The following CXXC5 variants were observed in gnomAD, a reference collection of about 807,000 sequenced individuals.
CXXC5 encodes CXXC finger protein 5.
CXXC5 carries 2 observed loss-of-function variants against 17.6 expected under a neutral mutation model. That is an observed-to-expected ratio of 0.11 (90% CI 0.05 to 0.36). The LOEUF is 0.36. Among genes scored for constraint, CXXC5 ranks in the 10% least tolerant of loss-of-function variants. CXXC5 has a pLI of 1.00. For synonymous variants in CXXC5, 171 were observed against 193.0 expected (o/e 0.89, Z 0.94); for missense variants, 343 against 458.3 (o/e 0.75, Z 2.30).
rs1051947939 is a variant in CXXC5, at chr5:139,648,689, G to T, written c.-317G>T. 3 of 151,472 alleles carry T rather than the reference G, an allele frequency of 2.0e-5. No homozygotes were observed. Among genetic ancestry groups the T allele is most frequent in the Admixed American group, 2.0e-4 (3 of 15,236 alleles). 9.4% of individuals were successfully genotyped at this position (151,472 alleles called of 1,614,324 possible). A position where few individuals can be genotyped will look rare whatever the true frequency, so the allele number is the denominator to read the frequency against. On this transcript the variant is annotated 5_prime_UTR_variant, in exon 1 of 3. Transcript: ENST00000302517. ...CTCCCCGCCTCGGGCCAGCCGCGGCGGCGCGACTCGGGCTCCGGACCCGGG... is the reference window on the plus strand; with the variant it reads ...CTCCCCGCCTCGGGCCAGCCGCGGCTGCGCGACTCGGGCTCCGGACCCGGG...
At chr5:139,682,405 C>T (rs1358688083) in intron 2 of CXXC5, among the ~76,000 whole-genome samples, 1 of 149,016 alleles carries the variant, frequency 6.7e-6, no homozygotes, top group Non-Finnish European at 1.5e-5. Context: ...CACTTTAGTC[C>T]AGTGTAGACA....
chr5:139,654,412 T>C (rs979592078), intron 1 of CXXC5, among the ~76,000 whole-genome samples: 1 of 152,268 alleles, frequency 6.6e-6, no homozygotes, highest in African/African-American at 2.4e-5. Context: ...ATCTCTGAAA[T>C]TGGACGGTAA....
chr5:139,664,095 TCTC>T (rs922059683), intron 1 of CXXC5, among the ~76,000 whole-genome samples: 1 of 152,042 alleles, frequency 6.6e-6, no homozygotes, highest in African/African-American at 2.4e-5. Flanking sequence ...GCTCCTTAAC[TCTC>T]CTAGGTCCCT....
Position 139,657,174 on chromosome 5 carries a change from C to T in CXXC5, c.-161+8329C>T, listed in dbSNP as rs547097364. On this transcript the variant is annotated intron_variant, in intron 1 of 2. Coordinates refer to ENST00000302517, the MANE Select transcript of CXXC5 (RefSeq NM_016463.9). ...AGCCTCAGGTGACATGGGCCCATAC[C>T]TGGGACAGATGCATGTTGTTAGCAT... Among the ~76,000 whole-genome samples the T allele has an allele frequency of 9.2e-5, 14 of 152,370 alleles. No individual in the cohort carries two copies. The East Asian group carries it at 2.3e-3, about 25-fold the overall frequency.
chr5:139,651,726 G>T (rs1474434326), intron 1 of CXXC5, among the ~76,000 whole-genome samples: 1 of 152,014 alleles, frequency 6.6e-6, no homozygotes, highest in Non-Finnish European at 1.5e-5. Flanking sequence ...TTTCCAGGTT[G>T]CAGGATAGGG....
chr5:139,657,188 T>C (rs1297242350), intron 1 of CXXC5, among the ~76,000 whole-genome samples: 1 of 152,160 alleles, frequency 6.6e-6, no homozygotes, highest in African/African-American at 2.4e-5. Context: ...GACAGATGCA[T>C]GTTGTTAGCA....
chr5:139,681,347 G>T lies in CXXC5; in HGVS notation c.824G>T (p.Cys275Phe). ...MCAPCRRRIN[C>F]EQCSSCRNRK... ...GCGCCCTGCCGGCGGCGCATCAACT[G>T]CGAGCAGTGCAGCAGTTGTAGGAAT... The change falls in exon 2 of 3, where the codon TGC becomes TTC. Residue 275 changes from cysteine (C) to phenylalanine (F), a missense_variant. Cys to Phe is a radical substitution (Grantham distance 205, BLOSUM62 -2). This residue lies in a region of CXXC5 where 21 missense variants were observed against 41.0 expected (regional missense o/e 0.51). Transcript: ENST00000302517. 6.2e-7 allele frequency: 1 copy of T among 1,612,348 alleles called. No individual in the cohort carries two copies. The highest frequency in any genetic ancestry group is 1.3e-5 in the African/African-American group (1 of 75,074).
At chr5:139,664,464 G>A (rs1161540664) in intron 1 of CXXC5, among the ~76,000 whole-genome samples, 1 of 152,106 alleles carries the variant, frequency 6.6e-6, no homozygotes, top group East Asian at 1.9e-4. Context: ...CCCATCCCGT[G>A]GTCCGTGTGT....
chr5:139,652,171 CGTGT>C (rs70988712), intron 1 of CXXC5, among the ~76,000 whole-genome samples: 9 of 114,992 alleles, frequency 7.8e-5, no homozygotes, highest in East Asian at 8.7e-4. Context: ...CGCGCGCGCG[CGTGT>C]GTGTGTGTGT....
intron 1 of CXXC5, among the ~76,000 whole-genome samples, chr5:139,657,589 G>T (rs1486159085): frequency 6.6e-6 from 1 of 152,206 alleles, no homozygotes; most frequent in African/African-American, 2.4e-5. Context: ...GGAGGATTCT[G>T]GGAAGCAAGG....
chr5:139,659,813 T>C (rs1581578507), intron 1 of CXXC5, among the ~76,000 whole-genome samples: 1 of 152,168 alleles, frequency 6.6e-6, no homozygotes, highest in East Asian at 1.9e-4. Context: ...TTGAGGCTGG[T>C]CCCTCCTGCC....
chr5:139,682,786 G>A (rs1757320197), intron 2 of CXXC5, 77 bp from the exon 3 acceptor site: 1 of 1,426,284 alleles, frequency 7.0e-7, no homozygotes, highest in Non-Finnish European at 9.5e-7. Context: ...GGCCATCCAT[G>A]GGGGAACGTC....
intron 1 of CXXC5, among the ~76,000 whole-genome samples, chr5:139,677,211 C>G (rs569674506): frequency 6.6e-6 from 1 of 152,140 alleles, no homozygotes; most frequent in African/African-American, 2.4e-5. Flanking sequence ...GATGGATGCG[C>G]CCGCCGCCGC....
At chr5:139,681,485 G>A (rs766280357) in intron 2 of CXXC5, 38 bp downstream of exon 2, 5 of 1,528,134 alleles carry the variant, frequency 3.3e-6, no homozygotes, top group African/African-American at 2.8e-5. Context: ...GGGCTCTTGT[G>A]TCTGTCTGGC....
In CXXC5 at chr5:139,661,185, C is replaced by G. The variant is rs1755789730; in HGVS notation, c.-161+12340C>G. Among the ~76,000 whole-genome samples the G allele has an allele frequency of 6.6e-6, 1 of 152,224 alleles. No homozygotes were observed. The highest frequency in any genetic ancestry group is 1.5e-5 in the Non-Finnish European group (1 of 68,032). ...CGCCGCGGCTGCCCGCGCCGCCCCC[C>G]CACCTCTTGCGCTGTCGGCCATCAG... On this transcript the variant is annotated intron_variant, in intron 1 of 2. Coordinates refer to ENST00000302517, the MANE Select transcript of CXXC5 (RefSeq NM_016463.9). The surrounding 1 kb of genome is among the most constrained non-coding windows in gnomAD (Gnocchi z 4.7).
intron 1 of CXXC5, among the ~76,000 whole-genome samples, chr5:139,665,110 C>T (rs1756029790): frequency 6.6e-6 from 1 of 152,234 alleles, no homozygotes; most frequent in Non-Finnish European, 1.5e-5. Flanking sequence ...TTCAGAGCAC[C>T]CAGGCTGTCA....
At chr5:139,676,296 G>C (rs1213967934) in intron 1 of CXXC5, among the ~76,000 whole-genome samples, 1 of 19,318 alleles carries the variant, frequency 5.2e-5, no homozygotes, top group African/African-American at 3.2e-4. Context: ...CTCCTCCCCA[G>C]CCTCCTCCCC....
At chr5:139,659,949 C>T (rs1335663111) in intron 1 of CXXC5, among the ~76,000 whole-genome samples, 4 of 152,220 alleles carry the variant, frequency 2.6e-5, no homozygotes, top group South Asian at 4.1e-4. Flanking sequence ...AGCGGGTGCC[C>T]GCGCAGCCAA....
Position 139,661,213 on chromosome 5 carries a change from C to A in CXXC5, c.-161+12368C>A, listed in dbSNP as rs867772277. Among the ~76,000 whole-genome samples the A allele has an allele frequency of 1.3e-5, 2 of 152,336 alleles. No individual in the cohort carries two copies. Among genetic ancestry groups the A allele is most frequent in the Middle Eastern group, 3.4e-3 (1 of 294 alleles). ...CCTCTTGCGCTGTCGGCCATCAGCCCAGCAGAGCAGGGTGAGCTGGGCGGG... is the reference window on the plus strand; with the variant it reads ...CCTCTTGCGCTGTCGGCCATCAGCCAAGCAGAGCAGGGTGAGCTGGGCGGG... On this transcript the variant is annotated intron_variant, in intron 1 of 2. Transcript: ENST00000302517. This position sits in a 1 kb window ranked among gnomAD's most constrained non-coding sequence, Gnocchi z 4.7.
Sources: gnomAD v4.1 joint callset for allele counts (sites outside exome capture counted in the v4.1 genomes callset) on GRCh38, gnomAD v4.1.1 for gene constraint, gnomAD v4.1.1 regional missense constraint, Gnocchi (gnomAD v3.1) non-coding constraint, MANE v1.5 for transcripts, NCBI Gene and HGNC (gene_info 2026-07-23, HGNC 2026-07-21) for gene names.